Variants in AGPAT3 observed in about 807,000 individuals in gnomAD.
The protein encoded by AGPAT3 is 1-acyl-sn-glycerol-3-phosphate acyltransferase gamma.
A neutral mutation model predicts 47.3 loss-of-function variants in AGPAT3; 5 were observed. The ratio of observed to expected loss-of-function variants is 0.11; its 90% CI spans 0.06 to 0.22. The LOEUF is 0.22. AGPAT3 is among the 10% of genes least tolerant of loss of function. AGPAT3 has a pLI of 1.00. For synonymous variants in AGPAT3, 212 were observed against 208.3 expected (o/e 1.02, Z -0.15); for missense variants, 315 against 493.0 (o/e 0.64, Z 3.42).
At chr21:43,947,437 C>T (rs751652127) in intron 2 of AGPAT3, among the ~76,000 whole-genome samples, 1 of 152,214 alleles carries the variant, frequency 6.6e-6, no homozygotes, top group Non-Finnish European at 1.5e-5. Context: ...TGTTTGGCCT[C>T]TACCTGCTGG....
rs1196195226 is a variant in AGPAT3, at chr21:43,930,152, C to T, written c.-49+26133C>T. Among the ~76,000 whole-genome samples the T allele has an allele frequency of 1.3e-5, 2 of 152,230 alleles. No homozygotes were observed. The highest frequency in any genetic ancestry group is 4.8e-5 in the African/African-American group (2 of 41,460). On this transcript the variant is annotated intron_variant, in intron 2 of 9. Transcript: ENST00000291572. The surrounding 1 kb of genome is among the most constrained non-coding windows in gnomAD (Gnocchi z 5.0). ...AGTGGGGAATAGAGTTATCAACCGT[C>T]ACTCCACGGAGAGTCTAAGGCAGAG...
chr21:43,922,123 C>T lies in AGPAT3; in HGVS notation c.-49+18104C>T, dbSNP rs1193927708. On this transcript the variant is annotated intron_variant, in intron 2 of 9. Transcript: ENST00000291572. The surrounding 1 kb of genome is among the most constrained non-coding windows in gnomAD (Gnocchi z 4.9). Reference sequence around the variant, plus strand: ...AAAGGTTTCCTTTTTTGGAAGTCACCTGGGGACGGGGATGAGTCACCCGGG... The same window carrying T: ...AAAGGTTTCCTTTTTTGGAAGTCACTTGGGGACGGGGATGAGTCACCCGGG... 5.3e-5 allele frequency among the ~76,000 whole-genome samples: 8 copies of T among 152,070 alleles called. No individual in the cohort carries two copies. The highest frequency in any genetic ancestry group is 1.2e-4 in the Non-Finnish European group (8 of 67,996).
chr21:43,871,490 C>A (rs2085623607), intron 1 of AGPAT3, among the ~76,000 whole-genome samples: 1 of 152,226 alleles, frequency 6.6e-6, no homozygotes, highest in Non-Finnish European at 1.5e-5. Flanking sequence ...CACTTCTAAT[C>A]TTGACCTGTT....
At chr21:43,893,897 A>G (rs1162481135) in intron 1 of AGPAT3, among the ~76,000 whole-genome samples, 1 of 152,242 alleles carries the variant, frequency 6.6e-6, no homozygotes, top group Non-Finnish European at 1.5e-5. Context: ...AACAATCATG[A>G]AAAAGTTTGA....
chr21:43,887,758 G>C (rs1288989509), intron 1 of AGPAT3, among the ~76,000 whole-genome samples: 3 of 152,324 alleles, frequency 2.0e-5, no homozygotes, highest in Admixed American at 2.0e-4. Context: ...AGACTCAAGT[G>C]ATTCTCCTGC....
rs538751938 is a variant in AGPAT3, at chr21:43,873,569, G to A, written c.-112+8224G>A. ...ATTTTTGCATTTTCAGTAGAGACGGGGTTTCACCATGTTGGCCAGGCTGGT... is the reference window on the plus strand; with the variant it reads ...ATTTTTGCATTTTCAGTAGAGACGGAGTTTCACCATGTTGGCCAGGCTGGT... On this transcript the variant is annotated intron_variant, in intron 1 of 9. Coordinates refer to ENST00000291572, the MANE Select transcript of AGPAT3 (RefSeq NM_020132.5). Among the ~76,000 whole-genome samples the A allele has an allele frequency of 7.2e-4, 109 of 152,304 alleles. No individual in the cohort carries two copies. In the South Asian group the frequency reaches 0.01, roughly 14 times the overall value.
intron 3 of AGPAT3, among the ~76,000 whole-genome samples, chr21:43,964,015 G>A (rs888458629): frequency 6.6e-6 from 1 of 152,122 alleles, no homozygotes; most frequent in Admixed American, 6.5e-5. Context: ...AATTATAAAA[G>A]TAGGGTATAA....
At chr21:43,950,160 G>T (rs868772466) in intron 2 of AGPAT3, among the ~76,000 whole-genome samples, 9 of 152,342 alleles carry the variant, frequency 5.9e-5, no homozygotes, top group Middle Eastern at 6.8e-3. Flanking sequence ...GATTGTCTTG[G>T]TCTCTTCTGA....
intron 1 of AGPAT3, among the ~76,000 whole-genome samples, chr21:43,878,000 G>A (rs2085771577): frequency 6.6e-6 from 1 of 151,720 alleles, no homozygotes; most frequent in East Asian, 1.9e-4. Flanking sequence ...GAGACTGCCC[G>A]TGGTCTTGCG....
chr21:43,873,873 G>C (rs956642664), intron 1 of AGPAT3, among the ~76,000 whole-genome samples: 1 of 152,152 alleles, frequency 6.6e-6, no homozygotes, highest in East Asian at 1.9e-4. Flanking sequence ...TTTCTCCACT[G>C]TGTCTTTGTT....
chr21:43,928,263 C>T (rs536363561), intron 2 of AGPAT3, among the ~76,000 whole-genome samples: 4 of 152,364 alleles, frequency 2.6e-5, no homozygotes, highest in South Asian at 4.1e-4. Context: ...TGCAGGTGTA[C>T]CCCTGCCCTG....
chr21:43,900,050 T>A (rs2086315541), intron 1 of AGPAT3, among the ~76,000 whole-genome samples: 2 of 152,174 alleles, frequency 1.3e-5, no homozygotes, highest in Admixed American at 1.3e-4. Flanking sequence ...AAATGTACTT[T>A]GAGTGAGATG....
intron 2 of AGPAT3, among the ~76,000 whole-genome samples, chr21:43,912,578 C>T (rs576969299): frequency 2.6e-5 from 4 of 152,370 alleles, no homozygotes; most frequent in East Asian, 1.9e-4. Flanking sequence ...CCCTGAGGAA[C>T]GGGGCCTCAT....
intron 2 of AGPAT3, among the ~76,000 whole-genome samples, chr21:43,957,141 C>G (rs2088508602): frequency 2.6e-5 from 4 of 152,050 alleles, no homozygotes; most frequent in African/African-American, 9.6e-5. Context: ...ACACTGGCAT[C>G]TGTGGCCCCC....
At chr21:43,877,894 C>T (rs1218105216) in intron 1 of AGPAT3, among the ~76,000 whole-genome samples, 1 of 152,108 alleles carries the variant, frequency 6.6e-6, no homozygotes, top group East Asian at 1.9e-4. Flanking sequence ...GACCCCCTTC[C>T]TCCATCTCCC....
intron 2 of AGPAT3, among the ~76,000 whole-genome samples, chr21:43,942,002 G>A (rs2087674099): frequency 6.6e-6 from 1 of 152,262 alleles, no homozygotes; most frequent in Admixed American, 6.5e-5. Flanking sequence ...GACTGGCTGT[G>A]CCACCTCCTC....
At chr21:43,936,809 G>T in intron 2 of AGPAT3, among the ~76,000 whole-genome samples, 1 of 152,234 alleles carries the variant, frequency 6.6e-6, no homozygotes, top group East Asian at 1.9e-4. Context: ...GCCTAAAGCG[G>T]CTCCCAGGCC....
intron 1 of AGPAT3, among the ~76,000 whole-genome samples, chr21:43,889,744 T>TA (rs1169541695): frequency 1.3e-5 from 2 of 152,116 alleles, no homozygotes; most frequent in Middle Eastern, 3.4e-3. Flanking sequence ...GCATTGTGTC[T>TA]AAAAAAAACA....
chr21:43,874,722 C>T (rs2105660), intron 1 of AGPAT3, among the ~76,000 whole-genome samples: 225 of 152,268 alleles, frequency 1.5e-3, no homozygotes, highest in Non-Finnish European at 1.8e-3. Context: ...TTCAACTTGA[C>T]TGTGGTCTTT....
Sources: gnomAD v4.1 joint callset for allele counts (sites outside exome capture counted in the v4.1 genomes callset) on GRCh38, gnomAD v4.1.1 for gene constraint, Gnocchi (gnomAD v3.1) non-coding constraint, MANE v1.5 for transcripts, NCBI Gene and HGNC (gene_info 2026-07-23, HGNC 2026-07-21) for gene names.